Variants in ANK3 observed in about 807,000 individuals in gnomAD.
ANK3 encodes the protein ankyrin 3, also known as ankyrin-3.
In ANK3, 57 loss-of-function variants were observed where a neutral mutation model predicts 370.9. That is an observed-to-expected ratio of 0.15 (90% CI 0.12 to 0.19). The LOEUF (loss-of-function observed/expected upper bound fraction) is 0.19, where lower values mean the gene tolerates loss of function less well. Among genes scored for constraint, ANK3 ranks in the 10% least tolerant of loss-of-function variants. The pLI, the probability that ANK3 is intolerant of heterozygous loss-of-function variation, is 1.00. For missense variants in ANK3, 4,439 were observed against 5,302.1 expected (o/e 0.84, Z 5.06); for synonymous variants, 1,929 against 1,946.3 (o/e 0.99, Z 0.23).
At chr10:60,373,845 A>T (rs2060420945) in intron 1 of ANK3, among the ~76,000 whole-genome samples, 1 of 152,062 alleles carries the variant, frequency 6.6e-6, no homozygotes, top group Admixed American at 6.5e-5. Flanking sequence ...AGTCCTGGGC[A>T]AACCAGGCCA....
intron 2 of ANK3, among the ~76,000 whole-genome samples, chr10:60,513,097 T>C (rs1457136896): frequency 6.6e-6 from 1 of 152,130 alleles, no homozygotes; most frequent in Non-Finnish European, 1.5e-5. Flanking sequence ...TTATTAGTGT[T>C]TTTCCTCTCT....
At chr10:60,395,588 CTTTCTTTCTT>C (rs1567004424) in intron 2 of ANK3, among the ~76,000 whole-genome samples, 1 of 126,208 alleles carries the variant, frequency 7.9e-6, no homozygotes, top group African/African-American at 3.3e-5. Context: ...TTCTTTCTTT[CTTTCTTTCTT>C]TCTTTCTTTC....
intron 2 of ANK3, among the ~76,000 whole-genome samples, chr10:60,573,266 T>A (rs553918706): frequency 6.6e-6 from 1 of 152,140 alleles, no homozygotes; most frequent in Admixed American, 6.5e-5. Flanking sequence ...ATGCCAATCT[T>A]CACCTAAGGA....
chr10:60,473,522 T>C (rs2065265847), intron 2 of ANK3, among the ~76,000 whole-genome samples: 1 of 152,140 alleles, frequency 6.6e-6, no homozygotes, highest in South Asian at 2.1e-4. Flanking sequence ...AATGCGCATC[T>C]CAAATGTGAT....
In ANK3 at chr10:60,672,005, G is replaced by A. The variant is rs114053063; in HGVS notation, c.58-56781C>T. Among the ~76,000 whole-genome samples, 303 of 152,334 alleles carry A rather than the reference G, an allele frequency of 2.0e-3. 1 individual carries two copies. Among genetic ancestry groups the A allele is most frequent in the African/African-American group, 6.9e-3 (288 of 41,574 alleles). Reference sequence around the variant, plus strand: ...TGAATCGGAAACCCCTAACTGAGCTGCTCCTGGATTCCTAACCCACAGAAA... The same window carrying A: ...TGAATCGGAAACCCCTAACTGAGCTACTCCTGGATTCCTAACCCACAGAAA... On this transcript the variant is annotated intron_variant, in intron 1 of 43. Transcript: ENST00000373827.
chr10:60,040,978 C>T (rs958087070), intron 43 of ANK3, among the ~76,000 whole-genome samples: 3 of 152,214 alleles, frequency 2.0e-5, no homozygotes, highest in African/African-American at 4.8e-5. Context: ...CCAGGTTCAG[C>T]AGTAGGACAT....
At chr10:60,417,251 A>G (rs1382824690) in intron 2 of ANK3, among the ~76,000 whole-genome samples, 4 of 152,214 alleles carry the variant, frequency 2.6e-5, no homozygotes, top group African/African-American at 4.8e-5. Flanking sequence ...GGAAGATGTC[A>G]TGAGTAAAAA....
At chr10:60,519,143 T>C (rs1475332104) in intron 2 of ANK3, among the ~76,000 whole-genome samples, 2 of 152,168 alleles carry the variant, frequency 1.3e-5, no homozygotes, top group African/African-American at 2.4e-5. Context: ...GCAATATCTA[T>C]GGAGCTGAGA....
At chr10:60,381,720 C>G (rs992135053) in intron 1 of ANK3, among the ~76,000 whole-genome samples, 1 of 152,108 alleles carries the variant, frequency 6.6e-6, no homozygotes, top group African/African-American at 2.4e-5. Flanking sequence ...TGCAAGGAAC[C>G]TGGCAAATGC....
intron 42 of ANK3, among the ~76,000 whole-genome samples, chr10:60,048,970 T>C (rs2077401638): frequency 6.6e-6 from 1 of 152,210 alleles, no homozygotes; most frequent in Non-Finnish European, 1.5e-5. Flanking sequence ...ATATTCACCA[T>C]ATACTATTAT....
chr10:60,709,996 T>C (rs978619990), intron 1 of ANK3, among the ~76,000 whole-genome samples: 6 of 152,324 alleles, frequency 3.9e-5, no homozygotes, highest in Non-Finnish European at 8.8e-5. Flanking sequence ...CTAAGGTACA[T>C]ATCAAGCAAC....
rs142785848 is a variant in ANK3 at position 60,134,501 on chromosome 10, G to T, written c.2739-128C>A. ...ATATCAACAAAAGTTGTTCTTGAAA[G>T]GACATAGTGAAAAGTAAAATCCCTT... On this transcript the variant is annotated intron_variant, in intron 24 of 43. Transcript: ENST00000280772. 2.7e-5 allele frequency: 17 copies of T among 620,222 alleles called. No individual in the cohort carries two copies. The African/African-American group carries it at 3.2e-4, about 12-fold the overall frequency. The allele number at this position is 620,222 out of a possible 1,614,324, so 38.4% of individuals were successfully genotyped here.
intron 1 of ANK3, among the ~76,000 whole-genome samples, chr10:60,718,371 G>A (rs1174079131): frequency 2.0e-5 from 3 of 152,130 alleles, no homozygotes; most frequent in African/African-American, 7.2e-5. Flanking sequence ...TACAGGCAAA[G>A]TAATAATTTA....
intron 2 of ANK3, among the ~76,000 whole-genome samples, chr10:60,412,069 G>A (rs962802168): frequency 1.1e-4 from 17 of 152,150 alleles, no homozygotes; most frequent in Admixed American, 5.9e-4. Context: ...TATGTAAGGA[G>A]GGGATTCCTC....
intron 38 of ANK3, among the ~76,000 whole-genome samples, chr10:60,065,947 T>C (rs1207296972): frequency 6.6e-6 from 1 of 152,196 alleles, no homozygotes; most frequent in Non-Finnish European, 1.5e-5. Context: ...ATGACACAGT[T>C]ACAAATAAGC....
intron 2 of ANK3, among the ~76,000 whole-genome samples, chr10:60,546,831 A>G (rs1182242322): frequency 6.6e-6 from 1 of 152,198 alleles, no homozygotes; most frequent in Non-Finnish European, 1.5e-5. Flanking sequence ...ACTCTATGAG[A>G]GGCAGATCCT....
intron 1 of ANK3, among the ~76,000 whole-genome samples, chr10:60,352,742 T>C (rs1261056060): frequency 6.6e-6 from 1 of 152,162 alleles, no homozygotes; most frequent in East Asian, 1.9e-4. Flanking sequence ...AAGTAGAAGA[T>C]GTAAGTGTTG....
intron 7 of ANK3, among the ~76,000 whole-genome samples, chr10:60,245,842 T>C (rs546709572): frequency 6.6e-6 from 1 of 152,356 alleles, no homozygotes; most frequent in East Asian, 1.9e-4. Flanking sequence ...CCAGCCTTCC[T>C]AGTCTGACAC....
At chr10:60,170,498 T>A (rs908060869) in intron 21 of ANK3, among the ~76,000 whole-genome samples, 1 of 152,198 alleles carries the variant, frequency 6.6e-6, no homozygotes, top group African/African-American at 2.4e-5. Flanking sequence ...ATGTACCAAA[T>A]ACCACAATGC....
Sources: allele counts gnomAD v4.1 joint callset (sites outside exome capture counted in the v4.1 genomes callset), GRCh38; gene constraint gnomAD v4.1.1; transcripts MANE v1.5; gene names NCBI Gene and HGNC (gene_info 2026-07-23, HGNC 2026-07-21).